CD1B: variants seen among roughly 807,000 people sequenced by gnomAD.
CD1B encodes the protein T-cell surface glycoprotein CD1b.
Under a neutral mutation model 39.8 loss-of-function variants are expected in CD1B, and 43 were observed. The observed-to-expected ratio is 1.08, with a 90% CI of 0.85 to 1.39. CD1B has a LOEUF of 1.39. Among genes scored for constraint, CD1B ranks in the 40% most tolerant of loss-of-function variants. The pLI, the probability that CD1B is intolerant of heterozygous loss-of-function variation, is 0.00. For synonymous variants in CD1B, 192 were observed against 152.5 expected, an observed-to-expected ratio of 1.26 and a Z score of -1.91; for missense variants, 495 against 403.8, an observed-to-expected ratio of 1.23 and a Z score of -1.94.
At chr1:158,292,855 G>T in the CD1B span, 1 of 1,614,010 alleles carries the variant, frequency 6.2e-7, no homozygotes, top group Non-Finnish European at 8.5e-7. Context: ...TAGGAGGCCA[G>T]GACATCATCC....
rs1360875995 is a variant in CD1B, at chr1:158,329,410, C to T, written c.846G>A (p.Lys282=). The T allele has an allele frequency of 1.2e-6, 2 of 1,614,134 alleles. No individual in the cohort carries two copies. Among genetic ancestry groups the T allele is most frequent in the South Asian group, 2.2e-5 (2 of 91,068 alleles). ...TGTCCTGGCCCTCTAAACTGCTGTG[C>T]TTCACCCGACAGGACAGGCCAGCCG... The part of the protein sequence containing the change: ...GEAAGLSCRV[K]HSSLEGQDII... The change falls in exon 4 of 6, where the codon AAG becomes AAA. Residue 282 remains lysine, a synonymous_variant. Transcript: ENST00000368168.
At chr1:158,327,916 A>G (rs2101710113), downstream of CD1B, 1 of 224,422 alleles carries the variant, frequency 4.5e-6, no homozygotes. Flanking sequence ...AGAAAAAGAA[A>G]AGTTTTAAAT....
At chr1:158,301,458 C>T in the CD1B span, among the ~76,000 whole-genome samples, 6 of 152,110 alleles carry the variant, frequency 3.9e-5, no homozygotes, top group Non-Finnish European at 8.8e-5. Flanking sequence ...GTGCTTCCTT[C>T]AGGAGCTCTT....
At chr1:158,292,988 G>A in the CD1B span, 1 of 1,073,848 alleles carries the variant, frequency 9.3e-7, no homozygotes, top group Non-Finnish European at 1.3e-6. Flanking sequence ...AAATGTATAG[G>A]GTAATTTAAA....
the CD1B span, among the ~76,000 whole-genome samples, chr1:158,313,937 C>G: frequency 8.5e-5 from 13 of 152,052 alleles, no homozygotes; most frequent in Non-Finnish European, 1.6e-4. Flanking sequence ...CTAAGTTTTA[C>G]AATTTGTTTT....
At chr1:158,295,479 C>A in the CD1B span, among the ~76,000 whole-genome samples, 1 of 152,100 alleles carries the variant, frequency 6.6e-6, no homozygotes, top group Non-Finnish European at 1.5e-5. Context: ...AAGCTACTTG[C>A]AGAGTTGGCA....
At chr1:158,293,022 GA>G in the CD1B span, 1 of 874,376 alleles carries the variant, frequency 1.1e-6, no homozygotes, top group Non-Finnish European at 1.8e-6. Context: ...AGACCTAAGG[GA>G]TACATGGATA....
the CD1B span, among the ~76,000 whole-genome samples, chr1:158,305,503 C>T: frequency 6.6e-6 from 1 of 152,236 alleles, no homozygotes; most frequent in Non-Finnish European, 1.5e-5. Flanking sequence ...TTGGAAAACA[C>T]TCTGCAGGAT....
the CD1B span, chr1:158,290,020 A>T: frequency 6.4e-7 from 1 of 1,568,306 alleles, no homozygotes; most frequent in South Asian, 1.1e-5. Flanking sequence ...AAGAACAGAG[A>T]TCAGCAAACA....
the CD1B span, among the ~76,000 whole-genome samples, chr1:158,290,803 TCTC>T: frequency 1.3e-5 from 2 of 152,264 alleles, no homozygotes; most frequent in East Asian, 3.9e-4. Context: ...TGCTAGTTCT[TCTC>T]CTCCCCGGTG....
At chr1:158,309,268 A>G in the CD1B span, among the ~76,000 whole-genome samples, 3 of 152,254 alleles carry the variant, frequency 2.0e-5, no homozygotes, top group East Asian at 3.8e-4. Flanking sequence ...AATGCAAATC[A>G]AAACCACAAT....
the CD1B span, among the ~76,000 whole-genome samples, chr1:158,316,187 T>G: frequency 6.6e-6 from 1 of 152,086 alleles, no homozygotes; most frequent in African/African-American, 2.4e-5. Context: ...TTTCCAATTC[T>G]GTGAAGAAAG....
chr1:158,308,501 C>G, the CD1B span, among the ~76,000 whole-genome samples: 1 of 151,964 alleles, frequency 6.6e-6, no homozygotes, highest in African/African-American at 2.4e-5. Context: ...CATATGGAAC[C>G]AAAAAGAGCC....
At chr1:158,324,960 T>G (rs1187358739), downstream of CD1B, among the ~76,000 whole-genome samples, 1 of 152,090 alleles carries the variant, frequency 6.6e-6, no homozygotes, top group Non-Finnish European at 1.5e-5. Context: ...GCATTTCAAA[T>G]AAGCTGAAAT....
chr1:158,307,732 C>T, the CD1B span, among the ~76,000 whole-genome samples: 1 of 152,140 alleles, frequency 6.6e-6, no homozygotes, highest in Non-Finnish European at 1.5e-5. Flanking sequence ...AAACCTTATC[C>T]ACCCTGATAA....
the CD1B span, among the ~76,000 whole-genome samples, chr1:158,317,091 T>A: frequency 5.9e-5 from 9 of 152,042 alleles, no homozygotes; most frequent in Admixed American, 5.2e-4. Context: ...TGCATCAATG[T>A]TCATCAAGGA....
the CD1B span, chr1:158,289,936 T>G: frequency 2.7e-6 from 2 of 746,268 alleles, no homozygotes; most frequent in South Asian, 3.6e-5. Context: ...TCTTCTTAGT[T>G]GCTGTCAGCG....
downstream of CD1B, among the ~76,000 whole-genome samples, chr1:158,323,281 C>A (rs1652249428): frequency 1.3e-5 from 2 of 151,278 alleles, no homozygotes; most frequent in South Asian, 4.2e-4. Flanking sequence ...GCTGTTAATG[C>A]TCGTATTGCA....
chr1:158,330,935 G>A lies in CD1B; in HGVS notation c.189C>T (p.Gly63=). ...LQIHGWDSDS[G]TAIFLKPWSK... is the part of the protein sequence containing the mutation. ...ACCAAGGCTTCAGGAATATGGCAGT[G>A]CCTGAGTCGCTATCCCAGCCATGAA... The change falls in exon 2 of 6, where the codon GGC becomes GGT. Residue 63 remains glycine (G), a synonymous_variant. Transcript: ENST00000368168. 2 of 1,614,126 alleles carry A rather than the reference G, an allele frequency of 1.2e-6. No individual in the cohort carries two copies. The highest frequency in any genetic ancestry group is 1.7e-6 in the Non-Finnish European group (2 of 1,180,012).
Sources: gnomAD v4.1 joint callset for allele counts (sites outside exome capture counted in the v4.1 genomes callset) on GRCh38, gnomAD v4.1.1 for gene constraint, MANE v1.5 for transcripts, NCBI Gene and HGNC (gene_info 2026-07-23, HGNC 2026-07-21) for gene names.